ADGRV1: variants seen among roughly 807,000 people sequenced by gnomAD.
ADGRV1 encodes G-protein coupled receptor 98.
ADGRV1 carries 359 observed loss-of-function variants against 596.2 expected under a neutral mutation model. That is an observed-to-expected ratio of 0.60 (90% CI 0.55 to 0.66). ADGRV1 has a LOEUF of 0.66. Ranked by LOEUF, ADGRV1 falls within the 30% of genes least tolerant of loss-of-function variation. The probability of loss-of-function intolerance (pLI) is 0.00; values close to 1 mark genes in which losing one functional copy is unlikely to be tolerated. For synonymous variants in ADGRV1, 2,681 were observed against 2,679.2 expected (o/e 1.00, Z -0.02); for missense variants, 7,274 against 7,575.6 (o/e 0.96, Z 1.48).
In ADGRV1 at chr5:90,724,883, C is replaced by T; in HGVS notation, c.9800C>T (p.Ala3267Val). ...TTTCAAAGTTTTTTGGATGAATCAG[C>T]TTCTGGCTGGTGTTTCTTTACTTTG... is the stretch of plus-strand genomic sequence containing the variant. ...SVFQSFLDES[A>V]SGWCFFTLEN... Residue 3267 changes from alanine to valine, a missense_variant, in exon 46 of 90, where the codon GCT becomes GTT. Transcript: ENST00000405460. 1 of 1,612,792 alleles carries T rather than the reference C, an allele frequency of 6.2e-7. No individual in the cohort carries two copies. Among genetic ancestry groups the T allele is most frequent in the Non-Finnish European group, 8.5e-7 (1 of 1,179,096 alleles).
chr5:90,958,102 C>T (rs1777642431), intron 83 of ADGRV1, among the ~76,000 whole-genome samples: 1 of 151,080 alleles, frequency 6.6e-6, no homozygotes, highest in African/African-American at 2.4e-5. Context: ...ATGCCAAAGC[C>T]CTGACTCTAC....
At position 90,642,714 on chromosome 5, in the gene ADGRV1, G is replaced by A. The variant is rs1382044730; in HGVS notation, c.2319G>A (p.Gly773=). Residue 773 remains glycine, a synonymous_variant, in exon 12 of 90, where the codon GGG becomes GGA. Coordinates refer to ENST00000405460, the MANE Select transcript of ADGRV1 (RefSeq NM_032119.4). ...DLIILENDDP[G]GVFEFSPASR... is the part of the protein sequence containing the mutation. ...TTATTTTGGAAAATGATGACCCTGG[G>A]GGAGTTTTTGAATTTTCTCCTGCTT... 7 of 1,613,518 alleles carry A rather than the reference G, an allele frequency of 4.3e-6. No homozygotes were observed. The highest frequency in any genetic ancestry group is 5.9e-6 in the Non-Finnish European group (7 of 1,179,600).
chr5:90,926,309 C>G (rs1458113314), intron 83 of ADGRV1, among the ~76,000 whole-genome samples: 2 of 151,654 alleles, frequency 1.3e-5, no homozygotes, highest in Non-Finnish European at 2.9e-5. Flanking sequence ...ACAATTTCAG[C>G]TCCTGTTATT....
chr5:90,625,867 T>C (rs908419334), intron 6 of ADGRV1: 1 of 152,252 alleles, frequency 6.6e-6, no homozygotes, highest in African/African-American at 2.4e-5. Context: ...CCCAAAGTGC[T>C]GGGATTACAG....
rs753961140 is a variant in ADGRV1 at position 90,692,658 on chromosome 5, T to C, written c.7005T>C (p.Asp2335=). 1.2e-6 allele frequency: 2 copies of C among 1,611,654 alleles called. No homozygotes were observed. Among genetic ancestry groups the C allele is most frequent in the South Asian group, 2.2e-5 (2 of 90,522 alleles). The part of the protein sequence containing the change: ...DASGGGTIGL[D]RIANIIIPAN... ...CTGGTGGAGGTACTATTGGGTTAGA[T>C]CGAATTGCAAATATTATTATTCCTG... Residue 2335 remains aspartate, a synonymous_variant, in exon 32 of 90, where the codon GAT becomes GAC. Coordinates refer to ENST00000405460, the MANE Select transcript of ADGRV1 (RefSeq NM_032119.4).
intron 58 of ADGRV1, 148 bp downstream of exon 58, chr5:90,759,736 C>G: frequency 1.5e-6 from 1 of 680,856 alleles, no homozygotes; most frequent in East Asian, 2.8e-5. Context: ...GAGGCCGCAG[C>G]GGGCAGATCA....
chr5:90,867,663 G>A (rs1307145186), intron 83 of ADGRV1, among the ~76,000 whole-genome samples: 1 of 152,208 alleles, frequency 6.6e-6, no homozygotes, highest in East Asian at 1.9e-4. Flanking sequence ...TATGAATCCT[G>A]GTTTCTGTTC....
At chr5:90,561,892 TCA>T (rs1217405515) in intron 1 of ADGRV1, among the ~76,000 whole-genome samples, 2 of 152,206 alleles carry the variant, frequency 1.3e-5, no homozygotes, top group African/African-American at 4.8e-5. Flanking sequence ...TAGCTAAGTA[TCA>T]CACACAGTTC....
chr5:90,608,298 T>C (rs528563605), intron 1 of ADGRV1, among the ~76,000 whole-genome samples: 5 of 152,242 alleles, frequency 3.3e-5, no homozygotes, highest in Non-Finnish European at 7.4e-5. Context: ...TTGAAGGTTA[T>C]GAGTGGCACA....
chr5:91,018,834 G>A (rs867229444), intron 85 of ADGRV1, among the ~76,000 whole-genome samples: 7 of 151,912 alleles, frequency 4.6e-5, no homozygotes, highest in African/African-American at 1.7e-4. Context: ...AAGTAAGTTG[G>A]CGAATGACTG....
Position 90,653,217 on chromosome 5 carries a change from C to T in ADGRV1, c.3643C>T (p.Pro1215Ser). The change falls in exon 20 of 90, where the codon CCA becomes TCA. Residue 1215 changes from proline to serine, a missense_variant. Pro to Ser is a moderately conservative substitution (Grantham distance 74). Transcript: ENST00000405460. The part of the protein sequence containing the change: ...LKLVNISGGS[P>S]GPGGQLAETN... The stretch of plus-strand genomic sequence containing the variant: ...AAATTTTCTTGTTACAGGTGGATCC[C>T]CAGGTCCTGGGGGCCAGCTAGCAGA... 1 of 1,606,594 alleles carries T rather than the reference C, an allele frequency of 6.2e-7. No individual in the cohort carries two copies. Among genetic ancestry groups the T allele is most frequent in the Non-Finnish European group, 8.5e-7 (1 of 1,175,194 alleles).
intron 87 of ADGRV1, among the ~76,000 whole-genome samples, chr5:91,116,090 T>C (rs1043699527): frequency 3.3e-5 from 5 of 152,192 alleles, no homozygotes; most frequent in Non-Finnish European, 7.4e-5. Context: ...ACAGTTCTAC[T>C]GAAAAAAATA....
chr5:91,027,144 A>AAC (rs1184010778), intron 85 of ADGRV1, among the ~76,000 whole-genome samples: 17,985 of 128,966 alleles, frequency 0.14, 1,279 homozygotes, highest in Admixed American at 0.2. Flanking sequence ...ACAGTCTCAA[A>AAC]ACACACACAC....
At chr5:91,119,758 C>T (rs1346634822) in intron 87 of ADGRV1, among the ~76,000 whole-genome samples, 1 of 152,184 alleles carries the variant, frequency 6.6e-6, no homozygotes, top group Non-Finnish European at 1.5e-5. Context: ...AAAAGTCTCT[C>T]CATTGGCATG....
At chr5:91,056,003 G>T (rs762218986) in intron 85 of ADGRV1, among the ~76,000 whole-genome samples, 4 of 152,192 alleles carry the variant, frequency 2.6e-5, no homozygotes, top group Non-Finnish European at 4.4e-5. Flanking sequence ...CATCCTGCTG[G>T]TTGTGGAAGC....
At chr5:90,977,272 G>T (rs184610281) in intron 84 of ADGRV1, among the ~76,000 whole-genome samples, 1 of 152,236 alleles carries the variant, frequency 6.6e-6, no homozygotes, top group Non-Finnish European at 1.5e-5. Context: ...GAGGAGAACT[G>T]GGGCAAGGAC....
chr5:90,558,986 C>T (rs966853597), intron 1 of ADGRV1, 69 bp downstream of exon 1: 86 of 1,379,734 alleles, frequency 6.2e-5, no homozygotes, highest in Non-Finnish European at 8.1e-5. Flanking sequence ...AGCATCAGCA[C>T]CTGTTGCTGC....
At chr5:90,867,277 T>C (rs1375145899) in intron 83 of ADGRV1, among the ~76,000 whole-genome samples, 5 of 152,308 alleles carry the variant, frequency 3.3e-5, no homozygotes, top group Non-Finnish European at 4.4e-5. Flanking sequence ...ATATTTGTTT[T>C]TCTTCTCTAT....
At chr5:90,756,340 G>A in intron 55 of ADGRV1, 114 bp from the exon 56 acceptor site, 1 of 667,770 alleles carries the variant, frequency 1.5e-6, no homozygotes, top group Admixed American at 2.6e-5. Context: ...TGACAGAGCT[G>A]CCCATTCCTG....
Sources: allele counts gnomAD v4.1 joint callset (sites outside exome capture counted in the v4.1 genomes callset), GRCh38; gene constraint gnomAD v4.1.1; transcripts MANE v1.5; gene names NCBI Gene and HGNC (gene_info 2026-07-23, HGNC 2026-07-21).